TTLL13: variants seen among roughly 807,000 people sequenced by gnomAD.
The protein encoded by TTLL13 is tubulin polyglutamylase TTLL13.
At chr15:90,252,074 T>C in the TTLL13 span, among the ~76,000 whole-genome samples, 1 of 138,872 alleles carries the variant, frequency 7.2e-6, no homozygotes, top group Non-Finnish European at 1.6e-5. Flanking sequence ...AGTTTTGCTC[T>C]TGTTGCCCAG....
the TTLL13 span, chr15:90,256,150 C>T: frequency 2.6e-5 from 42 of 1,614,100 alleles, no homozygotes; most frequent in Middle Eastern, 1.6e-4. Context: ...GCTATGGGGA[C>T]TTCCAGTCCT....
the TTLL13 span, chr15:90,264,658 A>C: frequency 6.6e-7 from 1 of 1,507,970 alleles, no homozygotes; most frequent in African/African-American, 1.4e-5. Context: ...CACAGTTGGG[A>C]AAGAGGTGAA....
the TTLL13 span, chr15:90,265,010 A>G: frequency 7.3e-6 from 11 of 1,497,980 alleles, no homozygotes; most frequent in Non-Finnish European, 9.8e-6. Context: ...TAACCTCCCC[A>G]GGTTTCCAAA....
the TTLL13 span, chr15:90,257,817 GC>G: frequency 7.8e-7 from 1 of 1,288,434 alleles, no homozygotes. Context: ...GAGGCTAATT[GC>G]CCAGGGAAAC....
At chr15:90,256,582 TTTCTTTCTTTCTTTCTTTCTTTCTTTCC>T in the TTLL13 span, among the ~76,000 whole-genome samples, 18 of 31,102 alleles carry the variant, frequency 5.8e-4, no homozygotes, top group African/African-American at 2.2e-3. Flanking sequence ...TCTTTCTTTC[TTTCTTTCTTTCTTTCTTTCTTTCTTTCC>T]TTCCTTCCTT....
chr15:90,262,956 T>C, the TTLL13 span: 3 of 1,535,022 alleles, frequency 2.0e-6, no homozygotes, highest in Non-Finnish European at 2.6e-6. Context: ...ATCTCTCATG[T>C]ACCTTGTAGC....
the TTLL13 span, chr15:90,262,352 C>T: frequency 8.8e-7 from 1 of 1,138,316 alleles, no homozygotes; most frequent in South Asian, 1.7e-5. Context: ...AGTAGGTTTC[C>T]TATCTTCCCC....
At chr15:90,257,436 G>T in the TTLL13 span, among the ~76,000 whole-genome samples, 24 of 152,180 alleles carry the variant, frequency 1.6e-4, no homozygotes, top group African/African-American at 5.8e-4. Flanking sequence ...TGTTTGGTAG[G>T]TGGTGAAGGA....
At chr15:90,264,669 C>T in the TTLL13 span, 2 of 1,518,952 alleles carry the variant, frequency 1.3e-6, no homozygotes, top group South Asian at 2.4e-5. Flanking sequence ...AAGAGGTGAA[C>T]AAATCTCTTC....
the TTLL13 span, chr15:90,258,205 C>A: frequency 6.2e-7 from 1 of 1,614,244 alleles, no homozygotes; most frequent in South Asian, 1.1e-5. Flanking sequence ...GGTACATGTG[C>A]CTGTTTTGAA....
At chr15:90,257,112 T>C in the TTLL13 span, 1 of 1,603,372 alleles carries the variant, frequency 6.2e-7, no homozygotes, top group Non-Finnish European at 8.5e-7. Context: ...GTGTTATTAT[T>C]CCCTCATGGG....
chr15:90,264,071 A>G, the TTLL13 span: 2 of 1,498,424 alleles, frequency 1.3e-6, no homozygotes, highest in Non-Finnish European at 1.8e-6. Context: ...AAGTATGCAA[A>G]ACTAGCTTTG....
chr15:90,258,096 TG>T, the TTLL13 span: 1 of 1,614,130 alleles, frequency 6.2e-7, no homozygotes, highest in Non-Finnish European at 8.5e-7. Context: ...TGGAGAGCTG[TG>T]GGGGGACATC....
chr15:90,263,568 C>T, the TTLL13 span: 3,980 of 566,366 alleles, frequency 7.0e-3, 151 homozygotes, highest in African/African-American at 0.066. Flanking sequence ...TTTCACTATT[C>T]CCTGGGCTGG....
the TTLL13 span, among the ~76,000 whole-genome samples, chr15:90,261,083 CT>C: frequency 5.3e-3 from 753 of 140,786 alleles, 5 homozygotes; most frequent in African/African-American, 0.013. Flanking sequence ...TTCTTGTTTT[CT>C]TTTTTTTTTT....
chr15:90,262,601 C>T, the TTLL13 span: 9 of 1,533,504 alleles, frequency 5.9e-6, no homozygotes, highest in Non-Finnish European at 7.0e-6. Flanking sequence ...GGAGAAAAGC[C>T]GACCCAGGGC....
chr15:90,264,943 C>G, the TTLL13 span: 1 of 1,536,046 alleles, frequency 6.5e-7, no homozygotes, highest in Non-Finnish European at 8.7e-7. Context: ...CCAGAGCACT[C>G]CTCAACATCA....
At chr15:90,257,608 C>G in the TTLL13 span, 8 of 1,608,294 alleles carry the variant, frequency 5.0e-6, no homozygotes, top group Non-Finnish European at 6.8e-6. Flanking sequence ...TGCAGACAGT[C>G]TGAGACCACA....
the TTLL13 span, among the ~76,000 whole-genome samples, chr15:90,254,616 T>C: frequency 3.3e-5 from 5 of 151,404 alleles, no homozygotes; most frequent in African/African-American, 9.7e-5. Context: ...GGTGGGCAGA[T>C]TGCTTGAACT....
Sources: gnomAD v4.1 joint callset for allele counts (sites outside exome capture counted in the v4.1 genomes callset) on GRCh38, gnomAD v4.1.1 for gene constraint, MANE v1.5 for transcripts, NCBI Gene and HGNC (gene_info 2026-07-23, HGNC 2026-07-21) for gene names.